CD248: variants seen among roughly 807,000 people sequenced by gnomAD.
CD248 encodes CD248 molecule, also known as endosialin.
Under a neutral mutation model 8.0 loss-of-function variants are expected in CD248, and 7 were observed. The ratio of observed to expected loss-of-function variants is 0.88; its 90% CI spans 0.50 to 1.64. CD248 has a LOEUF of 1.64. Ranked by LOEUF, CD248 falls within the 40% of genes most tolerant of loss-of-function variation. The pLI is 0.00. For synonymous variants in CD248, 418 were observed against 437.1 expected (o/e 0.96, Z 0.54); for missense variants, 912 against 1,027.2 (o/e 0.89, Z 1.53).
rs1854538801 is a variant in CD248 at position 66,315,729 on chromosome 11, G to A, written c.1299C>T (p.Leu433=). ...AGTGGTAGGGGACCCTGGGGGCACT[G>A]AGCGGGGGTGGCCAGGTGGGCTCCG... ...PYPEPTWPPP[L]SAPRVPYHSS... Residue 433 remains leucine, a synonymous_variant, in exon 1 of 1, where the codon CTC becomes CTT. Coordinates refer to ENST00000311330, the MANE Select transcript of CD248 (RefSeq NM_020404.3). This position sits in a 1 kb window ranked among gnomAD's most constrained non-coding sequence, Gnocchi z 4.3. 3.1e-6 allele frequency: 5 copies of A among 1,610,774 alleles called. No homozygotes were observed. The highest frequency in any genetic ancestry group is 1.7e-5 in the Admixed American group (1 of 59,916).
Position 66,317,033 on chromosome 11 carries a change from T to C in CD248, c.-6A>G. 6.9e-7 allele frequency: 1 copy of C among 1,441,216 alleles called. No homozygotes were observed. The allele number at this position is 1,441,216 out of a possible 1,614,324, so 89.3% of individuals were successfully genotyped here. ...AGCAACAGGCGCAGCAGCATCGCGATGCCCCCGGACTGGTCCGGCCCCGGG... is the reference window on the plus strand; with the variant it reads ...AGCAACAGGCGCAGCAGCATCGCGACGCCCCCGGACTGGTCCGGCCCCGGG... On this transcript the variant is annotated 5_prime_UTR_variant, in exon 1 of 1. Transcript: ENST00000311330.
Position 66,314,524 on chromosome 11 carries a change from C to T in CD248, c.*230G>A. On this transcript the variant is annotated 3_prime_UTR_variant, in exon 1 of 1. Coordinates refer to ENST00000311330, the MANE Select transcript of CD248 (RefSeq NM_020404.3). The surrounding 1 kb of genome is among the most constrained non-coding windows in gnomAD (Gnocchi z 4.0). ...TTGACACCCCATTTATTGGAGAAGA[C>T]CCCAGCACCCGCCCCCTGAGGTCTT... 1 of 518,736 alleles carries T rather than the reference C, an allele frequency of 1.9e-6. No individual in the cohort carries two copies. The highest frequency in any genetic ancestry group is 3.1e-5 in the South Asian group (1 of 32,348). 32.1% of individuals were successfully genotyped at this position (518,736 alleles called of 1,614,324 possible).
Position 66,314,757 on chromosome 11 carries a change from C to T in CD248, c.2271G>A (p.Val757=). The stretch of plus-strand genomic sequence containing the variant: ...CATGAGGGGGGTCTGCACCCCATCA[C>T]ACGCTGGTTCTGCAGGTCTGCACCC... ...LTGVQTCRTS[V] is the part of the protein sequence containing the mutation. The change falls in exon 1 of 1, where the codon GTG becomes GTA. Residue 757 remains valine, a synonymous_variant. Coordinates refer to ENST00000311330, the MANE Select transcript of CD248 (RefSeq NM_020404.3). This position sits in a 1 kb window ranked among gnomAD's most constrained non-coding sequence, Gnocchi z 4.0. 2 of 1,549,024 alleles carry T rather than the reference C, an allele frequency of 1.3e-6. No homozygotes were observed. Among genetic ancestry groups the T allele is most frequent in the South Asian group, 1.2e-5 (1 of 83,966 alleles).
In CD248 at chr11:66,317,032, A is replaced by T. The variant is rs766996156; in HGVS notation, c.-5T>A. ...CAGCAACAGGCGCAGCAGCATCGCG[A>T]TGCCCCCGGACTGGTCCGGCCCCGG... On this transcript the variant is annotated 5_prime_UTR_variant, in exon 1 of 1. Transcript: ENST00000311330. The T allele has an allele frequency of 6.9e-7, 1 of 1,441,590 alleles. No homozygotes were observed. The highest frequency in any genetic ancestry group is 2.8e-5 in the Admixed American group (1 of 35,872). 89.3% of individuals were successfully genotyped at this position (1,441,590 alleles called of 1,614,324 possible).
Position 66,314,780 on chromosome 11 carries a change from C to T in CD248, c.2248G>A (p.Val750Met). The T allele has an allele frequency of 6.4e-7, 1 of 1,552,832 alleles. No homozygotes were observed. The stretch of plus-strand genomic sequence containing the variant: ...CACACGCTGGTTCTGCAGGTCTGCA[C>T]CCCTGTGAGGCTGCCCCTGGGGGGC... The part of the protein sequence containing the change: ...PMPPRGSLTG[V>M]QTCRTSV Residue 750 changes from valine to methionine, a missense_variant, in exon 1 of 1, where the codon GTG becomes ATG. By Grantham distance (21) the Val-to-Met change is conservative (BLOSUM62 1). This residue lies in a region of CD248 where 507 missense variants were observed against 562.2 expected (regional missense o/e 0.90). Coordinates refer to ENST00000311330, the MANE Select transcript of CD248 (RefSeq NM_020404.3). This position sits in a 1 kb window ranked among gnomAD's most constrained non-coding sequence, Gnocchi z 4.0.
chr11:66,315,826 G>A lies in CD248; in HGVS notation c.1202C>T (p.Thr401Met), dbSNP rs759828290. The A allele has an allele frequency of 5.6e-5, 91 of 1,613,842 alleles. No homozygotes were observed. The highest frequency in any genetic ancestry group is 6.8e-5 in the Non-Finnish European group (80 of 1,179,982). Residue 401 changes from threonine (T) to methionine (M), a missense_variant, in exon 1 of 1, where the codon ACG becomes ATG. Thr to Met is a moderately conservative substitution (Grantham distance 81). This residue lies in a region of CD248 where 507 missense variants were observed against 562.2 expected (regional missense o/e 0.90). Transcript: ENST00000311330. This position sits in a 1 kb window ranked among gnomAD's most constrained non-coding sequence, Gnocchi z 4.3. ...GGCCAGGGCAAAGTCAGGCGGCTGC[G>A]TAGGCTCCATCCACAGGATCCCAGG... ...EMPGILWMEP[T>M]QPPDFALAYR...
Position 66,315,572 on chromosome 11 carries a change from C to T in CD248, c.1456G>A (p.Ala486Thr), listed in dbSNP as rs74818906. ...LSRDHQIPVI[A>T]ANYPDLPSAY... ...GAAGGCAGATCTGGATAGTTGGCTG[C>T]GATCACGGGGATCTGGTGGTCACGG... is the stretch of plus-strand genomic sequence containing the variant. Residue 486 changes from alanine (A) to threonine (T), a missense_variant, in exon 1 of 1, where the codon GCA becomes ACA. Transcript: ENST00000311330. This position sits in a 1 kb window ranked among gnomAD's most constrained non-coding sequence, Gnocchi z 4.3. 14,683 of 1,613,690 alleles carry T rather than the reference C, an allele frequency of 9.1e-3. 104 individuals carry two copies. Among genetic ancestry groups the T allele is most frequent in the Non-Finnish European group, 0.011 (12,802 of 1,179,904 alleles).
rs772257351 is a variant in CD248 at position 66,316,952 on chromosome 11, G to A, written c.76C>T (p.Arg26Cys). Residue 26 changes from arginine (R) to cysteine (C), a missense_variant, in exon 1 of 1, where the codon CGT becomes TGT. By Grantham distance (180) the Arg-to-Cys change is radical. Coordinates refer to ENST00000311330, the MANE Select transcript of CD248 (RefSeq NM_020404.3). ...CAGCTGCTGGGGCCGCAGGCGGCAC[G>A]GGGCTCAGCAGCCCAGGGGTCCTGG... ...LGQDPWAAEP[R>C]AACGPSSCYA... 9 of 1,549,318 alleles carry A rather than the reference G, an allele frequency of 5.8e-6. No homozygotes were observed. The South Asian group carries it at 5.9e-5, about 10-fold the overall frequency.
In CD248 at chr11:66,316,969, G is replaced by A; in HGVS notation, c.59C>T (p.Pro20Leu). 1 of 1,536,848 alleles carries A rather than the reference G, an allele frequency of 6.5e-7. No individual in the cohort carries two copies. The highest frequency in any genetic ancestry group is 8.7e-7 in the Non-Finnish European group (1 of 1,154,330). Residue 20 changes from proline to leucine, a missense_variant, in exon 1 of 1, where the codon CCC becomes CTC. Physicochemically the swap from Pro to Leu is moderately conservative, Grantham distance 98 (BLOSUM62 -3). Around this residue, in one of 3 missense-constraint regions of CD248, gnomAD observed 403 missense variants for 446.2 expected, o/e 0.90. Coordinates refer to ENST00000311330, the MANE Select transcript of CD248 (RefSeq NM_020404.3). Reference protein sequence around the residue: ...AAAGPTLGQDPWAAEPRAACG... With the variant: ...AAAGPTLGQDLWAAEPRAACG... ...GGCGGCACGGGGCTCAGCAGCCCAGGGGTCCTGGCCCAGTGTGGGCCCTGC... is the reference window on the plus strand; with the variant it reads ...GGCGGCACGGGGCTCAGCAGCCCAGAGGTCCTGGCCCAGTGTGGGCCCTGC...
Position 66,315,620 on chromosome 11 carries a change from G to C in CD248, c.1408C>G (p.Pro470Ala). The change falls in exon 1 of 1, where the codon CCT becomes GCT. Residue 470 changes from proline to alanine, a missense_variant. Coordinates refer to ENST00000311330, the MANE Select transcript of CD248 (RefSeq NM_020404.3). The surrounding 1 kb of genome is among the most constrained non-coding windows in gnomAD (Gnocchi z 4.3). ...LPSAHQPPVI[P>A]ATHPALSRDH... The stretch of plus-strand genomic sequence containing the variant: ...CGGGACAAAGCTGGGTGTGTGGCAG[G>C]GATCACAGGAGGCTGGTGGGCAGAA... The C allele has an allele frequency of 6.2e-7, 1 of 1,613,910 alleles. No individual in the cohort carries two copies. The highest frequency in any genetic ancestry group is 8.5e-7 in the Non-Finnish European group (1 of 1,179,932).
Position 66,314,635 on chromosome 11 carries a change from C to G in CD248, c.*119G>C. ...CAAGTCTAGTGGTTGAGAGAGGACCCTGGCTGGGCCTGGGGAGCAGGAAGC... is the reference window on the plus strand; with the variant it reads ...CAAGTCTAGTGGTTGAGAGAGGACCGTGGCTGGGCCTGGGGAGCAGGAAGC... On this transcript the variant is annotated 3_prime_UTR_variant, in exon 1 of 1. Coordinates refer to ENST00000311330, the MANE Select transcript of CD248 (RefSeq NM_020404.3). The surrounding 1 kb of genome is among the most constrained non-coding windows in gnomAD (Gnocchi z 4.0). 1 of 814,780 alleles carries G rather than the reference C, an allele frequency of 1.2e-6. No homozygotes were observed. The highest frequency in any genetic ancestry group is 1.9e-6 in the Non-Finnish European group (1 of 529,738). The allele number at this position is 814,780 out of a possible 1,614,324, so 50.5% of individuals were successfully genotyped here. A position where few individuals can be genotyped will look rare whatever the true frequency, so the allele number is the denominator to read the frequency against.
chr11:66,315,570 T>C lies in CD248; in HGVS notation c.1458A>G (p.Ala486=), dbSNP rs1425307361. 2 of 1,613,604 alleles carry C rather than the reference T, an allele frequency of 1.2e-6. No homozygotes were observed. Among genetic ancestry groups the C allele is most frequent in the South Asian group, 1.1e-5 (1 of 91,054 alleles). ...LSRDHQIPVI[A]ANYPDLPSAY... is the part of the protein sequence containing the mutation. ...CAGAAGGCAGATCTGGATAGTTGGC[T>C]GCGATCACGGGGATCTGGTGGTCAC... is the stretch of plus-strand genomic sequence containing the variant. The change falls in exon 1 of 1, where the codon GCA becomes GCG. Residue 486 remains alanine, a synonymous_variant. Transcript: ENST00000311330. The surrounding 1 kb of genome is among the most constrained non-coding windows in gnomAD (Gnocchi z 4.3).
In CD248 at chr11:66,316,591, G is replaced by C. The variant is rs892922589; in HGVS notation, c.437C>G (p.Ser146Trp). The change falls in exon 1 of 1, where the codon TCG becomes TGG. Residue 146 changes from serine (S) to tryptophan (W), a missense_variant. This residue lies in a region of CD248 where 403 missense variants were observed against 446.2 expected (regional missense o/e 0.90). Transcript: ENST00000311330. ...GTAGCCGTCGACAGCCAGCGTGCAC[G>C]AGCCCTCCAGCCAGCGGTGCTCGCC... ...ASGEHRWLEG[S>W]CTLAVDGYLC... The C allele has an allele frequency of 6.2e-7, 1 of 1,601,584 alleles. No individual in the cohort carries two copies. The highest frequency in any genetic ancestry group is 8.5e-7 in the Non-Finnish European group (1 of 1,179,338).
At position 66,316,296 on chromosome 11, in the gene CD248, G is replaced by C. The variant is rs541588737; in HGVS notation, c.732C>G (p.His244Gln). ...GCSPDNGGCE[H>Q]ECVEEVDGHV... ...GACCATCCACCTCCTCCACACATTCGTGTTCGCAGCCCCCGTTGTCAGGGC... is the reference window on the plus strand; with the variant it reads ...GACCATCCACCTCCTCCACACATTCCTGTTCGCAGCCCCCGTTGTCAGGGC... The change falls in exon 1 of 1, where the codon CAC becomes CAG. Residue 244 changes from histidine (H) to glutamine (Q), a missense_variant. Transcript: ENST00000311330. 4 of 1,612,990 alleles carry C rather than the reference G, an allele frequency of 2.5e-6. No homozygotes were observed. Among genetic ancestry groups the C allele is most frequent in the South Asian group, 1.1e-5 (1 of 91,070 alleles).
chr11:66,315,188 G>T lies in CD248; in HGVS notation c.1840C>A (p.Pro614Thr). 1 of 1,527,804 alleles carries T rather than the reference G, an allele frequency of 6.5e-7. No individual in the cohort carries two copies. The highest frequency in any genetic ancestry group is 1.3e-5 in the South Asian group (1 of 76,528). The allele number at this position is 1,527,804 out of a possible 1,614,324, so 94.6% of individuals were successfully genotyped here. A position where few individuals can be genotyped will look rare whatever the true frequency, so the allele number is the denominator to read the frequency against. ...HQISVPAATQ[P>T]AALPTLLPSQ... ...GGCAGGAGGGTGGGGAGGGCTGCGG[G>T]CTGGGTGGCAGCAGGCACAGAGATT... is the stretch of plus-strand genomic sequence containing the variant. The change falls in exon 1 of 1, where the codon CCC becomes ACC. Residue 614 changes from proline to threonine, a missense_variant. Transcript: ENST00000311330. The surrounding 1 kb of genome is among the most constrained non-coding windows in gnomAD (Gnocchi z 4.3).
Position 66,316,111 on chromosome 11 carries a change from T to C in CD248, c.917A>G (p.Asp306Gly), listed in dbSNP as rs749972995. Reference protein sequence around the residue: ...CRLGFRPAEDDPHRCVDTDEC... With the variant: ...CRLGFRPAEDGPHRCVDTDEC... ...ATCTGTGTCCACACAGCGGTGCGGA[T>C]CATCCTCCGCTGGCCGGAAACCCAG... The change falls in exon 1 of 1, where the codon GAT becomes GGT. Residue 306 changes from aspartate to glycine, a missense_variant. This residue lies in a region of CD248 where 403 missense variants were observed against 446.2 expected (regional missense o/e 0.90). Transcript: ENST00000311330. 6.2e-7 allele frequency: 1 copy of C among 1,613,520 alleles called. No homozygotes were observed. The highest frequency in any genetic ancestry group is 1.1e-5 in the South Asian group (1 of 91,086).
rs756526192 is a variant in CD248, at chr11:66,316,941, G to A, written c.87C>T (p.Cys29=). The change falls in exon 1 of 1, where the codon TGC becomes TGT. Residue 29 remains cysteine, a synonymous_variant. Transcript: ENST00000311330. The stretch of plus-strand genomic sequence containing the variant: ...AGAGAGCGTAGCAGCTGCTGGGGCC[G>A]CAGGCGGCACGGGGCTCAGCAGCCC... ...DPWAAEPRAA[C]GPSSCYALFP... 1.9e-5 allele frequency: 29 copies of A among 1,550,788 alleles called. No individual in the cohort carries two copies. The Admixed American group carries it at 3.0e-4, about 16-fold the overall frequency.
rs1206626988 is a variant in CD248 at position 66,316,543 on chromosome 11, C to T, written c.485G>A (p.Gly162Asp). The change falls in exon 1 of 1, where the codon GGC becomes GAC. Residue 162 changes from glycine to aspartate, a missense_variant. Gly to Asp is a moderately conservative substitution (Grantham distance 94). Around this residue, in one of 3 missense-constraint regions of CD248, gnomAD observed 403 missense variants for 446.2 expected, o/e 0.90. Coordinates refer to ENST00000311330, the MANE Select transcript of CD248 (RefSeq NM_020404.3). ...DGYLCQFGFE[G>D]ACPALQDEAG... ...CTCATCTTGCAGCGCCGGGCAGGCG[C>T]CCTCGAAGCCAAACTGGCACAGGTA... The T allele has an allele frequency of 1.3e-6, 2 of 1,599,350 alleles. No individual in the cohort carries two copies. The highest frequency in any genetic ancestry group is 8.5e-7 in the Non-Finnish European group (1 of 1,179,324).
rs539641105 is a variant in CD248, at chr11:66,315,661, G to C, written c.1367C>G (p.Thr456Arg). 1.9e-6 allele frequency: 3 copies of C among 1,613,682 alleles called. No homozygotes were observed. Among genetic ancestry groups the C allele is most frequent in the South Asian group, 1.1e-5 (1 of 91,076 alleles). Residue 456 changes from threonine (T) to arginine (R), a missense_variant, in exon 1 of 1, where the codon ACG (threonine) becomes AGG (arginine). Thr to Arg is a moderately conservative substitution (Grantham distance 71, BLOSUM62 -1). Transcript: ENST00000311330. The surrounding 1 kb of genome is among the most constrained non-coding windows in gnomAD (Gnocchi z 4.3). ...GTGGGCAGAAGGCAGTGTGGGATGC[G>C]TGGCAGAGACCACCACAGGCCGGGT... ...SVTRPVVVSA[T>R]HPTLPSAHQP...
Sources: gnomAD v4.1 joint callset for allele counts on GRCh38, gnomAD v4.1.1 for gene constraint, gnomAD v4.1.1 regional missense constraint, Gnocchi (gnomAD v3.1) non-coding constraint, MANE v1.5 for transcripts, NCBI Gene and HGNC (gene_info 2026-07-23, HGNC 2026-07-21) for gene names.